SPATA6: variants seen among roughly 807,000 people sequenced by gnomAD.
The protein encoded by SPATA6 is spermatogenesis associated 6.
SPATA6 carries 56 observed loss-of-function variants against 65.3 expected under a neutral mutation model. That is an observed-to-expected ratio of 0.86 (90% CI 0.69 to 1.07). SPATA6 has a LOEUF of 1.07. Among genes scored for constraint, SPATA6 ranks in the 50% least tolerant of loss-of-function variants. The probability of loss-of-function intolerance (pLI) is 0.00; values close to 1 mark genes in which losing one functional copy is unlikely to be tolerated. For missense variants in SPATA6, 590 were observed against 594.8 expected (o/e 0.99, Z 0.08); for synonymous variants, 199 against 213.2 (o/e 0.93, Z 0.58).
rs1570007207 is a variant in SPATA6 at position 48,305,813 on chromosome 1, A to C, written c.1260T>G (p.Ser420=). ...ELKRSLLCRD[S]AYDSDPEYSS... ...TATACTCGGGGTCACTGTCATAGGC[A>C]GAGTCTCTACATAAAAGACTTCTTT... is the stretch of plus-strand genomic sequence containing the variant. Residue 420 remains serine (S), a synonymous_variant, in exon 12 of 13, where the codon TCT becomes TCG. Coordinates refer to ENST00000371847, the MANE Select transcript of SPATA6 (RefSeq NM_019073.4). 6.2e-7 allele frequency: 1 copy of C among 1,612,186 alleles called. No homozygotes were observed. The highest frequency in any genetic ancestry group is 2.2e-5 in the East Asian group (1 of 44,702).
intron 6 of SPATA6, among the ~76,000 whole-genome samples, chr1:48,403,195 T>A (rs1651345880): frequency 1.3e-5 from 2 of 151,826 alleles, no homozygotes; most frequent in African/African-American, 2.4e-5. Context: ...AAACAAGAAG[T>A]CAGACAAATG....
chr1:48,440,878 G>A (rs1267817517), intron 3 of SPATA6, among the ~76,000 whole-genome samples: 2 of 152,110 alleles, frequency 1.3e-5, no homozygotes, highest in African/African-American at 4.8e-5. Context: ...TTCTATAATA[G>A]GGACCAAGAG....
intron 3 of SPATA6, among the ~76,000 whole-genome samples, chr1:48,439,690 C>A (rs1655285924): frequency 6.7e-6 from 1 of 148,610 alleles, no homozygotes; most frequent in Non-Finnish European, 1.5e-5. Flanking sequence ...AGATAGTAAA[C>A]ACTCAGGCAT....
Position 48,359,680 on chromosome 1 carries a change from G to T in SPATA6, c.1000C>A (p.His334Asn), listed in dbSNP as rs1646753627. The change falls in exon 10 of 13, where the codon CAT becomes AAT. Residue 334 changes from histidine to asparagine, a missense_variant. Transcript: ENST00000371847. ...TGGACTAGCAAGGTCCTCGCTGAAT[G>T]CCGGGGCTTACTACACGACCTTGGG... ...LSPRSCSKPRHSARTLLVHSA... is the reference protein window; with the variant it reads ...LSPRSCSKPRNSARTLLVHSA... 1 of 1,613,778 alleles carries T rather than the reference G, an allele frequency of 6.2e-7. No homozygotes were observed. Among genetic ancestry groups the T allele is most frequent in the East Asian group, 2.2e-5 (1 of 44,858 alleles).
At chr1:48,288,702 C>T in the SPATA6 span, among the ~76,000 whole-genome samples, 2 of 152,228 alleles carry the variant, frequency 1.3e-5, no homozygotes, top group African/African-American at 2.4e-5. Flanking sequence ...TATTACATCC[C>T]GTGCCTGGCT....
At chr1:48,400,962 T>A (rs1023842270) in intron 6 of SPATA6, 2 of 396,410 alleles carry the variant, frequency 5.0e-6, no homozygotes, top group African/African-American at 4.4e-5. Context: ...TCTTTGAGTT[T>A]ACTAAAACAT....
At chr1:48,327,073 T>C (rs1016034158) in intron 11 of SPATA6, among the ~76,000 whole-genome samples, 1 of 152,036 alleles carries the variant, frequency 6.6e-6, no homozygotes, top group Non-Finnish European at 1.5e-5. Context: ...ACTTACATAG[T>C]AGGAGAAAAT....
intron 9 of SPATA6, among the ~76,000 whole-genome samples, chr1:48,377,463 C>T (rs72893273): frequency 0.025 from 3,760 of 152,180 alleles, 98 homozygotes; most frequent in African/African-American, 0.067. Context: ...CTTTTCATAG[C>T]GTAAACTCCT....
chr1:48,354,947 A>C (rs1646615612), intron 11 of SPATA6, among the ~76,000 whole-genome samples: 1 of 152,136 alleles, frequency 6.6e-6, no homozygotes, highest in Non-Finnish European at 1.5e-5. Flanking sequence ...AATTTTAAAA[A>C]CAGCATGTAT....
intron 10 of SPATA6, among the ~76,000 whole-genome samples, chr1:48,356,282 G>T (rs1488604207): frequency 1.3e-5 from 2 of 151,414 alleles, no homozygotes; most frequent in Non-Finnish European, 2.9e-5. Flanking sequence ...GAGTCTGGGG[G>T]TTGAAATTAA....
intron 9 of SPATA6, among the ~76,000 whole-genome samples, chr1:48,368,053 G>A (rs1453363569): frequency 6.6e-6 from 1 of 152,118 alleles, no homozygotes; most frequent in East Asian, 1.9e-4. Context: ...CTTCACTTAT[G>A]AAGCTTAGTT....
At chr1:48,415,511 C>T (rs1392271230) in intron 3 of SPATA6, among the ~76,000 whole-genome samples, 1 of 151,648 alleles carries the variant, frequency 6.6e-6, no homozygotes, top group Non-Finnish European at 1.5e-5. Flanking sequence ...AGATTGAAAA[C>T]ACTGTAATGG....
chr1:48,449,522 C>G (rs1178268657), intron 3 of SPATA6, among the ~76,000 whole-genome samples: 1 of 152,096 alleles, frequency 6.6e-6, no homozygotes, highest in Admixed American at 6.5e-5. Flanking sequence ...TTTAAGGAAG[C>G]AATCAGCCAA....
rs1435313799 is a variant in SPATA6 at position 48,472,198 on chromosome 1, T to C, written c.-190A>G. On this transcript the variant is annotated 5_prime_UTR_variant, in exon 1 of 13. Coordinates refer to ENST00000371847, the MANE Select transcript of SPATA6 (RefSeq NM_019073.4). ...CAGCTGAGCGCGGGGCGCAGACTCG[T>C]TGTCATGGCAGCCAGGAGGGGCGGG... 7.7e-6 allele frequency: 4 copies of C among 518,578 alleles called. No homozygotes were observed. In the African/African-American group the frequency reaches 8.2e-5, roughly 11 times the overall value. The allele number at this position is 518,578 out of a possible 1,614,324, so 32.1% of individuals were successfully genotyped here.
intron 3 of SPATA6, among the ~76,000 whole-genome samples, chr1:48,421,625 T>C (rs935638372): frequency 1.3e-5 from 2 of 152,074 alleles, no homozygotes; most frequent in African/African-American, 2.4e-5. Context: ...ATAAGATAAA[T>C]ATATTTTTGT....
chr1:48,275,488 G>A, the SPATA6 span, among the ~76,000 whole-genome samples: 2,473 of 152,150 alleles, frequency 0.016, 79 homozygotes, highest in African/African-American at 0.057. Context: ...GTCATTAATA[G>A]CTCTTATTAT....
chr1:48,277,247 G>C, the SPATA6 span, among the ~76,000 whole-genome samples: 1 of 152,122 alleles, frequency 6.6e-6, no homozygotes, highest in Non-Finnish European at 1.5e-5. Flanking sequence ...TCCAGCGTGA[G>C]CGATGCAGAA....
intron 3 of SPATA6, among the ~76,000 whole-genome samples, chr1:48,444,680 C>T (rs1360230134): frequency 1.3e-5 from 2 of 152,202 alleles, no homozygotes; most frequent in Non-Finnish European, 1.5e-5. Flanking sequence ...CCGCTCAGGT[C>T]CCCTTCCATG....
At chr1:48,316,684 G>T (rs983866908) in intron 11 of SPATA6, among the ~76,000 whole-genome samples, 1 of 152,104 alleles carries the variant, frequency 6.6e-6, no homozygotes, top group Admixed American at 6.6e-5. Context: ...TGACAAATGG[G>T]ATCTAATTAA....
Sources: allele counts gnomAD v4.1 joint callset (sites outside exome capture counted in the v4.1 genomes callset), GRCh38; gene constraint gnomAD v4.1.1; transcripts MANE v1.5; gene names NCBI Gene and HGNC (gene_info 2026-07-23, HGNC 2026-07-21).